MYT1L: variants seen among roughly 807,000 people sequenced by gnomAD.
MYT1L encodes the protein myelin transcription factor 1-like protein.
A neutral mutation model predicts 126.7 loss-of-function variants in MYT1L; 12 were observed. That is an observed-to-expected ratio of 0.09 (90% confidence interval 0.06 to 0.15). The LOEUF is 0.15. MYT1L is among the 10% of genes least tolerant of loss of function. The pLI, the probability that MYT1L is intolerant of heterozygous loss-of-function variation, is 1.00. For synonymous variants in MYT1L, 541 were observed against 604.2 expected (o/e 0.90, Z 1.53); for missense variants, 979 against 1,585.2 (o/e 0.62, Z 6.49).
chr2:1,969,597 C>A lies in MYT1L; in HGVS notation c.152+9568G>T, dbSNP rs149824664. 6.3e-3 allele frequency among the ~76,000 whole-genome samples: 963 copies of A among 152,334 alleles called. 8 individuals are homozygous for A. The highest frequency in any genetic ancestry group is 0.01 in the Non-Finnish European group (695 of 68,030). ...CGGCTCTAGGAAGGCGGCCCCGCCT[C>A]CCACTCTGGACGGGGCTTAAAGGTT... is the stretch of plus-strand genomic sequence containing the variant. On this transcript the variant is annotated intron_variant, in intron 8 of 24. Coordinates refer to ENST00000647738, the MANE Select transcript of MYT1L (RefSeq NM_001303052.2).
intron 2 of MYT1L, among the ~76,000 whole-genome samples, chr2:2,220,536 C>G (rs927235994): frequency 1.3e-5 from 2 of 152,036 alleles, no homozygotes; most frequent in Admixed American, 1.3e-4. Context: ...TAAAAAGGTG[C>G]TAGACTCTTA....
At chr2:2,188,582 GAGTC>G (rs2092370239) in intron 2 of MYT1L, among the ~76,000 whole-genome samples, 1 of 152,196 alleles carries the variant, frequency 6.6e-6, no homozygotes, top group East Asian at 1.9e-4. Context: ...GGTCTATTAA[GAGTC>G]AGACAGACGG....
intron 21 of MYT1L, chr2:1,816,894 G>C (rs1398890539): frequency 1.3e-5 from 2 of 152,350 alleles, no homozygotes; most frequent in African/African-American, 4.8e-5. Flanking sequence ...GGTCCTGCCA[G>C]TTGGTTCCGT....
At chr2:2,223,538 G>C (rs1450779238) in intron 2 of MYT1L, among the ~76,000 whole-genome samples, 1 of 152,156 alleles carries the variant, frequency 6.6e-6, no homozygotes, top group Non-Finnish European at 1.5e-5. Flanking sequence ...CTGTACTGAC[G>C]TGGTATTAGG....
intron 2 of MYT1L, among the ~76,000 whole-genome samples, chr2:2,174,735 TATGATTTAAAA>T (rs2148566921): frequency 6.6e-6 from 1 of 152,204 alleles, no homozygotes; most frequent in East Asian, 1.9e-4. Context: ...GACATAATAT[TATGATTTAAAA>T]ATATAACTAT....
In MYT1L at chr2:2,287,106, A is replaced by G. The variant is rs187967599; in HGVS notation, c.-520-2603T>C. Among the ~76,000 whole-genome samples, 413 of 152,246 alleles carry G rather than the reference A, an allele frequency of 2.7e-3. 5 individuals carry two copies. The highest frequency in any genetic ancestry group is 9.6e-3 in the African/African-American group (398 of 41,550). On this transcript the variant is annotated intron_variant, in intron 1 of 24. Transcript: ENST00000647738. The stretch of plus-strand genomic sequence containing the variant: ...ACCCGGTCTCTACTAAAAATAGAAA[A>G]TTAGCCAGGCGTGGTGGTGCATGCC...
At chr2:1,965,015 C>G (rs2059230628) in intron 8 of MYT1L, among the ~76,000 whole-genome samples, 1 of 152,232 alleles carries the variant, frequency 6.6e-6, no homozygotes, top group African/African-American at 2.4e-5. Context: ...TGTGAGAGCT[C>G]TCAAATCATC....
chr2:2,177,455 G>A (rs1157133148), intron 2 of MYT1L, among the ~76,000 whole-genome samples: 2 of 152,210 alleles, frequency 1.3e-5, no homozygotes, highest in Non-Finnish European at 2.9e-5. Flanking sequence ...GTACAGGGAA[G>A]CATACACAGT....
At chr2:1,834,520 G>A (rs757077411) in intron 21 of MYT1L, among the ~76,000 whole-genome samples, 2 of 152,210 alleles carry the variant, frequency 1.3e-5, no homozygotes, top group Non-Finnish European at 2.9e-5. Context: ...AGGGAAGGAA[G>A]CTTGGATACG....
In MYT1L at chr2:2,288,249, C is replaced by T. The variant is rs190454285; in HGVS notation, c.-520-3746G>A. ...CTGGGAAGATACATCACTGGCCTAA[C>T]GTCACTTAGTTTGTCAATAGTAGAG... On this transcript the variant is annotated intron_variant, in intron 1 of 24. Transcript: ENST00000647738. Among the ~76,000 whole-genome samples the T allele has an allele frequency of 3.3e-5, 5 of 152,336 alleles. No homozygotes were observed. The East Asian group carries it at 5.8e-4, about 18-fold the overall frequency.
rs572323895 is a variant in MYT1L at position 1,793,644 on chromosome 2, G to A, written c.3277-1180C>T. Among the ~76,000 whole-genome samples, 9 of 152,246 alleles carry A rather than the reference G, an allele frequency of 5.9e-5. No homozygotes were observed. Among genetic ancestry groups the A allele is most frequent in the African/African-American group, 1.9e-4 (8 of 41,562 alleles). ...TAGAAAACTGAAGCACCTCAGAGGC[G>A]CCCTCCAGGATGAAGTGGGGAGGGC... On this transcript the variant is annotated intron_variant, in intron 23 of 24. Coordinates refer to ENST00000647738, the MANE Select transcript of MYT1L (RefSeq NM_001303052.2). The surrounding 1 kb of genome is among the most constrained non-coding windows in gnomAD (Gnocchi z 4.6).
intron 4 of MYT1L, among the ~76,000 whole-genome samples, chr2:2,006,253 A>C (rs1400692351): frequency 6.6e-6 from 1 of 152,220 alleles, no homozygotes; most frequent in Non-Finnish European, 1.5e-5. Flanking sequence ...CATTAAAAAA[A>C]ATGTTATCAT....
intron 3 of MYT1L, among the ~76,000 whole-genome samples, chr2:2,131,673 T>C (rs919766237): frequency 2.0e-5 from 3 of 152,086 alleles, no homozygotes; most frequent in Non-Finnish European, 2.9e-5. Context: ...AGCTGTCCCA[T>C]GGAAAACGGG....
chr2:1,991,055 C>CT (rs1311538508), intron 5 of MYT1L, among the ~76,000 whole-genome samples: 3 of 152,204 alleles, frequency 2.0e-5, no homozygotes, highest in African/African-American at 7.2e-5. Context: ...AGGCAGCAAG[C>CT]TTGCTGTTCT....
At chr2:2,194,919 T>A (rs2092733810) in intron 2 of MYT1L, among the ~76,000 whole-genome samples, 1 of 152,248 alleles carries the variant, frequency 6.6e-6, no homozygotes, top group Non-Finnish European at 1.5e-5. Context: ...CAACATCTAC[T>A]CCAGTGAATG....
At chr2:1,849,795 C>T (rs139819801) in intron 19 of MYT1L, among the ~76,000 whole-genome samples, 5 of 152,334 alleles carry the variant, frequency 3.3e-5, no homozygotes, top group East Asian at 1.9e-4. Context: ...TTCATAGACA[C>T]GTGCTGTTTA....
intron 1 of MYT1L, among the ~76,000 whole-genome samples, chr2:2,291,267 A>G (rs2095595686): frequency 6.6e-6 from 1 of 152,198 alleles, no homozygotes; most frequent in South Asian, 2.1e-4. Context: ...CCTCCTGACT[A>G]TGAAACCAGT....
chr2:2,232,832 G>A (rs913031099), intron 2 of MYT1L, among the ~76,000 whole-genome samples: 3 of 152,176 alleles, frequency 2.0e-5, no homozygotes, highest in Admixed American at 1.3e-4. Context: ...TGCTGACTGC[G>A]CTGTGACCTG....
At chr2:1,874,268 C>A (rs1342206629) in intron 18 of MYT1L, among the ~76,000 whole-genome samples, 4 of 152,188 alleles carry the variant, frequency 2.6e-5, no homozygotes, top group South Asian at 2.1e-4. Context: ...CAAGTCATTT[C>A]TCCACAAGAA....
Sources: allele counts gnomAD v4.1 joint callset (sites outside exome capture counted in the v4.1 genomes callset), GRCh38; gene constraint gnomAD v4.1.1; non-coding constraint Gnocchi (gnomAD v3.1); transcripts MANE v1.5; gene names NCBI Gene and HGNC (gene_info 2026-07-23, HGNC 2026-07-21).